EHBP1: variants seen among roughly 807,000 people sequenced by gnomAD.
EHBP1 encodes EH domain-binding protein 1.
In EHBP1, 55 loss-of-function variants were observed where a neutral mutation model predicts 144.0. The ratio of observed to expected loss-of-function variants is 0.38; its 90% CI spans 0.31 to 0.48. The LOEUF is 0.48. EHBP1 is among the 20% of genes least tolerant of loss of function. EHBP1 has a pLI of 0.98. For missense variants in EHBP1, 1,200 were observed against 1,364.2 expected (o/e 0.88, Z 1.90); for synonymous variants, 469 against 472.7 (o/e 0.99, Z 0.10).
chr2:62,867,196 T>C (rs1049486198), intron 9 of EHBP1, among the ~76,000 whole-genome samples: 1 of 152,178 alleles, frequency 6.6e-6, no homozygotes. Context: ...CTGGGTTTTA[T>C]AACATATAGA....
At chr2:62,906,821 A>C (rs979159107) in intron 10 of EHBP1, among the ~76,000 whole-genome samples, 2 of 152,224 alleles carry the variant, frequency 1.3e-5, no homozygotes, top group African/African-American at 4.8e-5. Context: ...TGTCATTTCA[A>C]GAATGTAATA....
chr2:62,913,316 A>T (rs373423850), intron 10 of EHBP1, among the ~76,000 whole-genome samples: 38 of 152,362 alleles, frequency 2.5e-4, no homozygotes, highest in African/African-American at 9.1e-4. Flanking sequence ...CCACTAGTAG[A>T]TCTATGAAAA....
chr2:62,842,042 A>C (rs920698127), intron 7 of EHBP1, among the ~76,000 whole-genome samples: 1 of 152,152 alleles, frequency 6.6e-6, no homozygotes, highest in East Asian at 1.9e-4. Flanking sequence ...ATGTGAAGGA[A>C]CAGCAAAGAA....
At chr2:62,888,848 C>T (rs1432167369) in intron 10 of EHBP1, among the ~76,000 whole-genome samples, 1 of 151,960 alleles carries the variant, frequency 6.6e-6, no homozygotes, top group Non-Finnish European at 1.5e-5. Flanking sequence ...CAGAAGTCTT[C>T]CAAACTGTCT....
chr2:62,918,880 A>G (rs1214111484), intron 10 of EHBP1, among the ~76,000 whole-genome samples: 1 of 152,186 alleles, frequency 6.6e-6, no homozygotes, highest in East Asian at 1.9e-4. Context: ...CTCCCAACCG[A>G]GACAACATTT....
chr2:62,958,846 G>C (rs563327971), intron 14 of EHBP1, among the ~76,000 whole-genome samples: 1 of 152,172 alleles, frequency 6.6e-6, no homozygotes, highest in South Asian at 2.1e-4. Flanking sequence ...ATAAATGGAA[G>C]GGCATATTAT....
intron 7 of EHBP1, among the ~76,000 whole-genome samples, chr2:62,846,109 G>T (rs2048281873): frequency 6.6e-6 from 1 of 152,158 alleles, no homozygotes; most frequent in Non-Finnish European, 1.5e-5. Flanking sequence ...TATAAATTCA[G>T]CTTGCTTTCT....
chr2:62,734,305 A>G (rs1465521004), intron 2 of EHBP1, among the ~76,000 whole-genome samples: 1 of 150,822 alleles, frequency 6.6e-6, no homozygotes, highest in Non-Finnish European at 1.5e-5. Flanking sequence ...TTCTTCTAGT[A>G]CTTATATGGT....
intron 5 of EHBP1, among the ~76,000 whole-genome samples, chr2:62,796,207 T>C (rs1170580985): frequency 6.6e-6 from 1 of 152,062 alleles, no homozygotes; most frequent in Admixed American, 6.6e-5. Flanking sequence ...CTGTACTGAC[T>C]TCAGTCCTTT....
At chr2:62,834,821 G>A (rs2047085829) in intron 7 of EHBP1, among the ~76,000 whole-genome samples, 1 of 152,200 alleles carries the variant, frequency 6.6e-6, no homozygotes, top group African/African-American at 2.4e-5. Flanking sequence ...CATACATATG[G>A]AGGGCGCACT....
At chr2:62,718,930 A>G (rs1362041893) in intron 2 of EHBP1, among the ~76,000 whole-genome samples, 2 of 152,092 alleles carry the variant, frequency 1.3e-5, no homozygotes, top group East Asian at 1.9e-4. Context: ...GTTCTCTTCC[A>G]TATAAGCAAA....
chr2:62,994,481 C>T (rs1433292616), intron 18 of EHBP1, among the ~76,000 whole-genome samples: 1 of 152,024 alleles, frequency 6.6e-6, no homozygotes, highest in East Asian at 1.9e-4. Flanking sequence ...CAGGGAGGTT[C>T]AGCTCAGTAG....
intron 4 of EHBP1, among the ~76,000 whole-genome samples, chr2:62,766,124 A>G (rs1211485388): frequency 6.6e-6 from 1 of 152,206 alleles, no homozygotes; most frequent in Non-Finnish European, 1.5e-5. Flanking sequence ...GCCAGCTGCC[A>G]TGCTATTATA....
intron 10 of EHBP1, among the ~76,000 whole-genome samples, chr2:62,930,477 C>G (rs1272147358): frequency 6.6e-6 from 1 of 152,016 alleles, no homozygotes; most frequent in Non-Finnish European, 1.5e-5. Context: ...AGATTTAATG[C>G]AATTCTTATA....
intron 5 of EHBP1, among the ~76,000 whole-genome samples, chr2:62,815,954 G>A (rs2045413702): frequency 6.6e-6 from 1 of 152,140 alleles, no homozygotes; most frequent in South Asian, 2.1e-4. Flanking sequence ...TAGAGCAATG[G>A]ATTTTAATGT....
chr2:62,746,946 A>T (rs532304185), intron 2 of EHBP1, among the ~76,000 whole-genome samples: 15 of 152,192 alleles, frequency 9.9e-5, no homozygotes, highest in African/African-American at 3.4e-4. Flanking sequence ...ATAATGTTTT[A>T]AAAACCACAA....
intron 2 of EHBP1, among the ~76,000 whole-genome samples, chr2:62,711,990 G>A (rs1183452528): frequency 6.6e-6 from 1 of 152,184 alleles, no homozygotes; most frequent in African/African-American, 2.4e-5. Flanking sequence ...AGAGAACTAG[G>A]TAATACTTGG....
At chr2:62,816,584 A>T (rs1003810293) in intron 5 of EHBP1, among the ~76,000 whole-genome samples, 1 of 152,188 alleles carries the variant, frequency 6.6e-6, no homozygotes, top group African/African-American at 2.4e-5. Context: ...TTTACAAGAG[A>T]CAGTTCTAAA....
At chr2:62,817,220 TAA>T (rs1350514756) in intron 5 of EHBP1, among the ~76,000 whole-genome samples, 3 of 151,968 alleles carry the variant, frequency 2.0e-5, no homozygotes, top group African/African-American at 7.3e-5. Flanking sequence ...GGAGAAAAAG[TAA>T]AGGGGAATAT....
Sources: allele counts gnomAD v4.1 joint callset (sites outside exome capture counted in the v4.1 genomes callset), GRCh38; gene constraint gnomAD v4.1.1; transcripts MANE v1.5; gene names NCBI Gene and HGNC (gene_info 2026-07-23, HGNC 2026-07-21).